FREM2: variants seen among roughly 807,000 people sequenced by gnomAD.
FREM2 encodes the protein FRAS1 related extracellular matrix 2, also known as FRAS1-related extracellular matrix protein 2.
A neutral mutation model predicts 219.9 loss-of-function variants in FREM2; 119 were observed. The observed-to-expected ratio is 0.54, with a 90% CI of 0.47 to 0.63. The LOEUF is 0.63. Among genes scored for constraint, FREM2 ranks in the 30% least tolerant of loss-of-function variants. The pLI, the probability that FREM2 is intolerant of heterozygous loss-of-function variation, is 0.00. For missense variants in FREM2, 4,030 were observed against 3,993.6 expected, an observed-to-expected ratio of 1.01 and a Z score of -0.25; for synonymous variants, 1,562 against 1,522.8, an observed-to-expected ratio of 1.03 and a Z score of -0.60.
chr13:38,755,725 T>TA (rs1872970465), intron 2 of FREM2, among the ~76,000 whole-genome samples: 1 of 152,166 alleles, frequency 6.6e-6, no homozygotes. Context: ...GTTTCCCACC[T>TA]AAGCACAGGA....
chr13:38,708,109 C>T (rs1285599235), intron 2 of FREM2, among the ~76,000 whole-genome samples: 3 of 152,120 alleles, frequency 2.0e-5, no homozygotes, highest in Non-Finnish European at 2.9e-5. Flanking sequence ...ATCATAGGCA[C>T]AAAGTAAGTG....
chr13:38,784,362 T>C (rs1874239806), intron 5 of FREM2, among the ~76,000 whole-genome samples, 195 bp from the exon 6 acceptor site: 1 of 152,226 alleles, frequency 6.6e-6, no homozygotes, highest in Admixed American at 6.5e-5. Context: ...TAATATTCCT[T>C]ATAGGTGTAT....
Position 38,691,450 on chromosome 13 carries a change from AT to A in FREM2, c.4110del (p.Phe1370LeufsTer6). On this transcript the variant is annotated frameshift_variant, in exon 1 of 24. Transcript: ENST00000280481. LOFTEE classifies it high-confidence loss of function. Reference sequence around the variant, plus strand: ...TTTGAAAATATCACACTGGGCATGAATTTTACCCAGGATGAAGTAGACAGAA... The same window carrying A: ...TTTGAAAATATCACACTGGGCATGAATTTACCCAGGATGAAGTAGACAGAA... Reference protein sequence around the residue: ...GAFENITLGMNFTQDEVDRNL... With the variant: ...GAFENITLGMXFTQDEVDRNL... 6.2e-7 allele frequency: 1 copy of A among 1,614,168 alleles called. No individual in the cohort carries two copies. The highest frequency in any genetic ancestry group is 8.5e-7 in the Non-Finnish European group (1 of 1,180,034).
At position 38,687,585 on chromosome 13, in the gene FREM2, G is replaced by T; in HGVS notation, c.241G>T (p.Val81Leu). ...AIVLANRGLR[V>L]PFGREVWLDP... Reference sequence around the variant, plus strand: ...AGTGCTGGCGAACCGCGGACTCCGGGTGCCTTTCGGCCGTGAAGTCTGGCT... The same window carrying T: ...AGTGCTGGCGAACCGCGGACTCCGGTTGCCTTTCGGCCGTGAAGTCTGGCT... Residue 81 changes from valine to leucine, a missense_variant, in exon 1 of 24, where the codon GTG becomes TTG. By Grantham distance (32) the Val-to-Leu change is conservative (BLOSUM62 1). Coordinates refer to ENST00000280481, the MANE Select transcript of FREM2 (RefSeq NM_207361.6). The T allele has an allele frequency of 6.2e-7, 1 of 1,607,090 alleles. No individual in the cohort carries two copies.
intron 4 of FREM2, among the ~76,000 whole-genome samples, chr13:38,770,611 A>T (rs1313601696): frequency 2.0e-5 from 3 of 152,146 alleles, no homozygotes; most frequent in Non-Finnish European, 4.4e-5. Flanking sequence ...ACCAGCCAAA[A>T]ATTTTTATTT....
intron 1 of FREM2, among the ~76,000 whole-genome samples, chr13:38,695,131 A>C (rs1443047837): frequency 6.6e-6 from 1 of 152,182 alleles, no homozygotes; most frequent in Non-Finnish European, 1.5e-5. Context: ...TGGCTATTAG[A>C]TTATATTTCT....
intron 22 of FREM2, 85 bp from the exon 23 acceptor site, chr13:38,878,746 G>T: frequency 9.9e-6 from 13 of 1,317,134 alleles, no homozygotes; most frequent in Non-Finnish European, 1.4e-5. Flanking sequence ...ATTTGTACTT[G>T]CACAAAACAA....
In FREM2 at chr13:38,690,531, G is replaced by T; in HGVS notation, c.3187G>T (p.Asp1063Tyr). Residue 1063 changes from aspartate (D) to tyrosine (Y), a missense_variant, in exon 1 of 24, where the codon GAT becomes TAT. By Grantham distance (160) the Asp-to-Tyr change is radical. Around this residue, in one of 2 missense-constraint regions of FREM2, gnomAD observed 3,102 missense variants for 2,950.7 expected, o/e 1.05. Coordinates refer to ENST00000280481, the MANE Select transcript of FREM2 (RefSeq NM_207361.6). ...TATATGGGTGACCATCCTGCCTGTT[G>T]ATAGCCAGGCCCCAGAAATCTTTGT... Reference protein sequence around the residue: ...VTIWVTILPVDSQAPEIFVGE... With the variant: ...VTIWVTILPVYSQAPEIFVGE... 2.5e-6 allele frequency: 4 copies of T among 1,614,092 alleles called. No individual in the cohort carries two copies. Among genetic ancestry groups the T allele is most frequent in the Non-Finnish European group, 3.4e-6 (4 of 1,179,940 alleles).
chr13:38,739,292 T>G (rs570147459), intron 2 of FREM2, among the ~76,000 whole-genome samples: 23 of 152,168 alleles, frequency 1.5e-4, no homozygotes, highest in Non-Finnish European at 2.8e-4. Context: ...GCTCCATGGA[T>G]TTAATAACTT....
At chr13:38,716,426 C>T (rs562455835) in intron 2 of FREM2, among the ~76,000 whole-genome samples, 2 of 152,334 alleles carry the variant, frequency 1.3e-5, no homozygotes, top group African/African-American at 4.8e-5. Flanking sequence ...ATATTCTCAG[C>T]TTAAACCTTC....
intron 2 of FREM2, among the ~76,000 whole-genome samples, chr13:38,740,998 C>A (rs933336766): frequency 1.3e-5 from 2 of 152,174 alleles, no homozygotes; most frequent in Middle Eastern, 3.2e-3. Flanking sequence ...CACACACAAA[C>A]GTCCATAGTA....
chr13:38,841,857 CTAAG>C (rs1246503577), intron 6 of FREM2, among the ~76,000 whole-genome samples: 1 of 152,162 alleles, frequency 6.6e-6, no homozygotes, highest in African/African-American at 2.4e-5. Context: ...ATTGATTAAA[CTAAG>C]TGTTAGGGAA....
chr13:38,798,641 G>A (rs1411623984), intron 6 of FREM2, among the ~76,000 whole-genome samples: 5 of 151,848 alleles, frequency 3.3e-5, no homozygotes, highest in Non-Finnish European at 5.9e-5. Flanking sequence ...ATTCAATCTT[G>A]CCACACATTA....
intron 2 of FREM2, among the ~76,000 whole-genome samples, chr13:38,732,178 CT>C (rs1871792879): frequency 6.6e-6 from 1 of 152,184 alleles, no homozygotes; most frequent in Non-Finnish European, 1.5e-5. Flanking sequence ...ACAACTACGT[CT>C]GACAAAATGT....
chr13:38,787,746 G>T (rs1158993237), intron 6 of FREM2, among the ~76,000 whole-genome samples: 2 of 149,110 alleles, frequency 1.3e-5, no homozygotes, highest in Non-Finnish European at 3.0e-5. Context: ...ATTTATTAAT[G>T]TTATTATTTA....
intron 2 of FREM2, among the ~76,000 whole-genome samples, chr13:38,705,700 G>T (rs755934226): frequency 6.6e-6 from 1 of 152,116 alleles, no homozygotes; most frequent in South Asian, 2.1e-4. Context: ...CATTCATGCG[G>T]CACAGTTCCT....
At chr13:38,808,482 G>A (rs1875339285) in intron 6 of FREM2, among the ~76,000 whole-genome samples, 1 of 151,886 alleles carries the variant, frequency 6.6e-6, no homozygotes, top group Admixed American at 6.6e-5. Context: ...GATTTAAAGT[G>A]AGAGACATGA....
chr13:38,837,765 G>GTTTTTTTTTT (rs151057502), intron 6 of FREM2, among the ~76,000 whole-genome samples: 2 of 140,448 alleles, frequency 1.4e-5, no homozygotes, highest in Non-Finnish European at 3.2e-5. Flanking sequence ...GCAACCCCTG[G>GTTTTTTTTTT]TTTTTTTTTG....
intron 8 of FREM2, 65 bp downstream of exon 8, chr13:38,848,735 A>G: frequency 3.0e-6 from 4 of 1,316,212 alleles, no homozygotes; most frequent in Middle Eastern, 2.5e-4. Context: ...GTTTATGTAT[A>G]TATGATAAGC....
Sources: gnomAD v4.1 joint callset for allele counts (sites outside exome capture counted in the v4.1 genomes callset) on GRCh38, gnomAD v4.1.1 for gene constraint, gnomAD v4.1.1 regional missense constraint, MANE v1.5 for transcripts, NCBI Gene and HGNC (gene_info 2026-07-23, HGNC 2026-07-21) for gene names.